Variants in CNKSR2 observed in about 807,000 individuals in gnomAD.
The protein encoded by CNKSR2 is CNK homolog protein 2.
CNKSR2 carries 14 observed loss-of-function variants against 84.4 expected under a neutral mutation model. The ratio of observed to expected loss-of-function variants is 0.17; its 90% CI spans 0.11 to 0.26. The LOEUF (loss-of-function observed/expected upper bound fraction) is 0.26. Ranked by LOEUF, CNKSR2 falls within the 10% of genes least tolerant of loss-of-function variation. The pLI is 1.00. For synonymous variants in CNKSR2, 275 were observed against 277.9 expected (o/e 0.99, Z 0.10); for missense variants, 485 against 771.2 (o/e 0.63, Z 4.40).
intron 7 of CNKSR2, among the ~76,000 whole-genome samples, chrX:21,498,657 C>A (rs1178707125): frequency 8.9e-6 from 1 of 112,007 alleles, no homozygotes; most frequent in African/African-American, 3.2e-5. Flanking sequence ...AGAGAACTAT[C>A]TGTGTTATAG....
At chrX:21,572,006 A>G (rs2092287035) in intron 13 of CNKSR2, among the ~76,000 whole-genome samples, 1 of 112,299 alleles carries the variant, frequency 8.9e-6, no homozygotes, top group East Asian at 2.8e-4. Flanking sequence ...GTTTCTCCCA[A>G]TCAAGGTACA....
chrX:21,410,180 G>A (rs1438855126), intron 1 of CNKSR2, among the ~76,000 whole-genome samples: 1 of 110,102 alleles, frequency 9.1e-6, no homozygotes, highest in African/African-American at 3.3e-5. Flanking sequence ...TTTGGAGCTT[G>A]TTAGAAATAC....
At chrX:21,381,553 G>A (rs1340377020) in intron 1 of CNKSR2, among the ~76,000 whole-genome samples, 2 of 111,903 alleles carry the variant, frequency 1.8e-5, no homozygotes, top group Non-Finnish European at 3.8e-5. Flanking sequence ...AATCTCATCC[G>A]ATCTCATTCT....
At chrX:21,631,980 A>G (rs1261182666) in intron 20 of CNKSR2, among the ~76,000 whole-genome samples, 3 of 112,287 alleles carry the variant, frequency 2.7e-5, no homozygotes, top group Non-Finnish European at 5.6e-5. Flanking sequence ...ATTAGAATAT[A>G]TGATATTTTG....
chrX:21,490,526 C>G lies in CNKSR2; in HGVS notation c.629C>G (p.Ser210Cys). The G allele has an allele frequency of 1.7e-6, 2 of 1,208,947 alleles. No individual in the cohort carries two copies. The highest frequency in any genetic ancestry group is 2.2e-6 in the Non-Finnish European group (2 of 893,302). The change falls in exon 6 of 22, where the codon TCT becomes TGT. Residue 210 changes from serine to cysteine, a missense_variant. By Grantham distance (112) the Ser-to-Cys change is moderately radical. Coordinates refer to ENST00000379510, the MANE Select transcript of CNKSR2 (RefSeq NM_014927.5). ...SLSSDPLVSQ[S>C]AHLEVIQLAN... ...TCGTCAGATCCTCTGGTTTCACAGT[C>G]TGCTCACCTGGAAGTGATTCAACTG...
chrX:21,611,029 T>C (rs1361071172), intron 20 of CNKSR2, among the ~76,000 whole-genome samples: 1 of 112,376 alleles, frequency 8.9e-6, no homozygotes, highest in African/African-American at 3.2e-5. Context: ...ACGTTGTTAG[T>C]ACAGGAAAAG....
intron 20 of CNKSR2, among the ~76,000 whole-genome samples, chrX:21,641,143 T>C (rs1404204679): frequency 8.9e-6 from 1 of 112,185 alleles, no homozygotes; most frequent in East Asian, 2.8e-4. Flanking sequence ...ATAGAAATAA[T>C]TTTAATTTTC....
rs138378029 is a variant in CNKSR2, at chrX:21,440,371, G to A, written c.432-323G>A. Among the ~76,000 whole-genome samples the A allele has an allele frequency of 8.4e-3, 934 of 111,432 alleles. 6 individuals carry two copies. The highest frequency in any genetic ancestry group is 0.028 in the African/African-American group (855 of 30,818). ...TCTTAGATTCTTTTGAAAATAAACT[G>A]ACATGTTATCTTTGCCTAAAGTATT... On this transcript the variant is annotated intron_variant, in intron 3 of 21. Coordinates refer to ENST00000379510, the MANE Select transcript of CNKSR2 (RefSeq NM_014927.5).
intron 13 of CNKSR2, among the ~76,000 whole-genome samples, chrX:21,565,535 A>G (rs1017096872): frequency 1.8e-5 from 2 of 111,425 alleles, no homozygotes; most frequent in Non-Finnish European, 3.8e-5. Flanking sequence ...TTGAATCTGT[A>G]ACATGGTATT....
At chrX:21,493,038 G>A (rs952929052) in intron 6 of CNKSR2, 6 of 112,017 alleles carry the variant, frequency 5.4e-5, no homozygotes, top group Non-Finnish European at 1.1e-4. Flanking sequence ...GACAGAACAT[G>A]TCTCATAGGC....
rs2092101095 is a variant in CNKSR2, at chrX:21,552,350, GTT to G, written c.1304-9118_1304-9117del. Among the ~76,000 whole-genome samples, 3 of 111,798 alleles carry G rather than the reference GTT, an allele frequency of 2.7e-5. No homozygotes were observed. The Admixed American group carries it at 2.9e-4, about 11-fold the overall frequency. ...ACATTCACATACTACATCTTTGAAA[GTT>G]TTGTTGAATTTGGGTTAATTTACTG... On this transcript the variant is annotated intron_variant, in intron 11 of 21. Transcript: ENST00000379510.
intron 5 of CNKSR2, among the ~76,000 whole-genome samples, chrX:21,475,621 T>TTC (rs1211101806): frequency 9.0e-6 from 1 of 110,826 alleles, no homozygotes; most frequent in Non-Finnish European, 1.9e-5. Context: ...ATAGAGATTA[T>TTC]AGTAGCTTGA....
At chrX:21,446,812 C>T (rs112444389) in intron 4 of CNKSR2, among the ~76,000 whole-genome samples, 26 of 111,603 alleles carry the variant, frequency 2.3e-4, no homozygotes, top group African/African-American at 8.1e-4. Context: ...ATTTCTCAGA[C>T]ATCTTCTTTC....
chrX:21,595,734 C>G, intron 17 of CNKSR2, among the ~76,000 whole-genome samples: 1 of 111,595 alleles, frequency 9.0e-6, no homozygotes, highest in Non-Finnish European at 1.9e-5. Flanking sequence ...AAAAATCGGA[C>G]TTTTTGAAGT....
intron 5 of CNKSR2, among the ~76,000 whole-genome samples, chrX:21,471,355 C>T (rs1239985412): frequency 1.8e-5 from 2 of 112,061 alleles, no homozygotes; most frequent in Non-Finnish European, 3.8e-5. Context: ...CTCCTGCCTT[C>T]TTAATGAACA....
intron 2 of CNKSR2, chrX:21,427,877 TA>T (rs1433646124): frequency 1.8e-5 from 2 of 111,748 alleles, no homozygotes; most frequent in African/African-American, 6.5e-5. Flanking sequence ...GAAGTGTAGG[TA>T]AGATATGCAT....
intron 20 of CNKSR2, among the ~76,000 whole-genome samples, chrX:21,633,881 C>T (rs774142372): frequency 2.7e-5 from 3 of 112,048 alleles, no homozygotes; most frequent in South Asian, 3.7e-4. Flanking sequence ...GATTCAATAG[C>T]TTTCCATCCC....
At chrX:21,467,907 T>C (rs1439159542) in intron 4 of CNKSR2, among the ~76,000 whole-genome samples, 1 of 111,187 alleles carries the variant, frequency 9.0e-6, no homozygotes, top group Non-Finnish European at 1.9e-5. Flanking sequence ...TTTTGAAAAG[T>C]TTGAAATTTG....
In CNKSR2 at chrX:21,591,807, T is replaced by C. The variant is rs1332082106; in HGVS notation, c.1830+613T>C. 4 of 111,422 alleles carry C rather than the reference T, an allele frequency of 3.6e-5. No individual in the cohort carries two copies. The Admixed American group carries it at 3.8e-4, about 11-fold the overall frequency. 9.2% of individuals were successfully genotyped at this position (111,422 alleles called of 1,213,427 possible). A position where few individuals can be genotyped will look rare whatever the true frequency, so the allele number is the denominator to read the frequency against. On this transcript the variant is annotated intron_variant, in intron 15 of 21. Coordinates refer to ENST00000379510, the MANE Select transcript of CNKSR2 (RefSeq NM_014927.5). The stretch of plus-strand genomic sequence containing the variant: ...TCCAGAGGAGTCATATCAAAACTTA[T>C]TACGTATCTTGACAGATATGCCAAA...
Sources: gnomAD v4.1 joint callset for allele counts (sites outside exome capture counted in the v4.1 genomes callset) on GRCh38, gnomAD v4.1.1 for gene constraint, MANE v1.5 for transcripts, NCBI Gene and HGNC (gene_info 2026-07-23, HGNC 2026-07-21) for gene names.